CUBN: variants seen among roughly 807,000 people sequenced by gnomAD.
CUBN encodes cubilin.
In CUBN, 282 loss-of-function variants were observed where a neutral mutation model predicts 405.3. The observed-to-expected ratio is 0.70, with a 90% CI of 0.63 to 0.77. The LOEUF is 0.77. Ranked by LOEUF, CUBN falls within the 30% of genes least tolerant of loss-of-function variation. The probability of loss-of-function intolerance (pLI) is 0.00; values close to 1 mark genes in which losing one functional copy is unlikely to be tolerated. For missense variants in CUBN, 4,514 were observed against 4,475.2 expected (o/e 1.01, Z -0.25); for synonymous variants, 1,684 against 1,617.0 (o/e 1.04, Z -0.99).
intron 22 of CUBN, among the ~76,000 whole-genome samples, chr10:17,048,204 G>A (rs1227739792): frequency 6.6e-6 from 1 of 152,244 alleles, no homozygotes; most frequent in African/African-American, 2.4e-5. Flanking sequence ...AAGAGTTAAA[G>A]ATAATGCATT....
chr10:16,919,909 G>T, intron 44 of CUBN, 54 bp downstream of exon 44: 1 of 1,560,360 alleles, frequency 6.4e-7, no homozygotes, highest in South Asian at 1.1e-5. Context: ...GAGACATGAC[G>T]GTTAAAAAAT....
chr10:16,836,396 G>C lies in CUBN; in HGVS notation c.10033-14C>G, dbSNP rs531193716. On this transcript the variant is annotated splice_polypyrimidine_tract_variant and intron_variant, in intron 62 of 66. Transcript: ENST00000377833. ...ATTTCCGTGACCCTGAAATGAAATGGGAGCCAAATCATGTTAGATTTAGTC... is the reference window on the plus strand; with the variant it reads ...ATTTCCGTGACCCTGAAATGAAATGCGAGCCAAATCATGTTAGATTTAGTC... 3.1e-6 allele frequency: 5 copies of C among 1,612,880 alleles called. No individual in the cohort carries two copies. In the South Asian group the frequency reaches 5.5e-5, roughly 18 times the overall value.
At position 17,129,208 on chromosome 10, in the gene CUBN, C is replaced by T. The variant is rs370127775; in HGVS notation, c.165G>A (p.Thr55=). The T allele has an allele frequency of 8.2e-5, 132 of 1,613,494 alleles. No individual in the cohort carries two copies. Among genetic ancestry groups the T allele is most frequent in the Non-Finnish European group, 1.0e-4 (120 of 1,179,604 alleles). ...TAAACTCAATGTTTTGAGCAGACCC[C>T]GTAAGAAACACCAAATTTCCTCTCT... ...ATERGNLVFL[T]GSAQNIEFRT... The change falls in exon 2 of 67, where the codon ACG becomes ACA. Residue 55 remains threonine (T), a synonymous_variant. Coordinates refer to ENST00000377833, the MANE Select transcript of CUBN (RefSeq NM_001081.4).
At chr10:17,052,245 A>G (rs1431015254) in intron 22 of CUBN, among the ~76,000 whole-genome samples, 1 of 152,222 alleles carries the variant, frequency 6.6e-6, no homozygotes, top group African/African-American at 2.4e-5. Flanking sequence ...AGAAGCTGAC[A>G]TAATTTGTCA....
chr10:16,828,197 C>T (rs997214948), intron 66 of CUBN, among the ~76,000 whole-genome samples: 6 of 151,688 alleles, frequency 4.0e-5, no homozygotes, highest in African/African-American at 1.5e-4. Flanking sequence ...TGCTGTGACT[C>T]CTCCCTGGGA....
chr10:17,059,987 T>G (rs961083884), intron 22 of CUBN, among the ~76,000 whole-genome samples: 1 of 152,156 alleles, frequency 6.6e-6, no homozygotes, highest in Admixed American at 6.5e-5. Flanking sequence ...TTTAGAGAGG[T>G]GTAGATGAGA....
At chr10:16,850,700 T>C (rs902938057) in intron 60 of CUBN, among the ~76,000 whole-genome samples, 1 of 152,192 alleles carries the variant, frequency 6.6e-6, no homozygotes, top group Non-Finnish European at 1.5e-5. Context: ...CTCAAACTCC[T>C]GGCCTCAAGT....
rs138752344 is a variant in CUBN at position 16,833,084 on chromosome 10, C to A, written c.10363-1667G>T. On this transcript the variant is annotated intron_variant, in intron 64 of 66. Transcript: ENST00000377833. ...TGGAAAGCAAGGCTTTGCTTCCCAG[C>A]ATCTATCAGGCAAATGGCAAACGTT... 2.9e-4 allele frequency among the ~76,000 whole-genome samples: 44 copies of A among 152,302 alleles called. 1 individual carries two copies. The East Asian group carries it at 6.8e-3, about 23-fold the overall frequency.
chr10:16,925,812 C>T, intron 41 of CUBN, 38 bp from the exon 42 acceptor site: 4 of 1,580,920 alleles, frequency 2.5e-6, no homozygotes, highest in Non-Finnish European at 2.6e-6. Context: ...ATTTAAATAG[C>T]ATTGGCAACT....
chr10:16,990,898 C>G (rs1833565040), intron 28 of CUBN, among the ~76,000 whole-genome samples: 1 of 152,154 alleles, frequency 6.6e-6, no homozygotes, highest in African/African-American at 2.4e-5. Context: ...TGGTCGTGAA[C>G]TTCAGGTCCC....
At chr10:16,939,559 G>A (rs929620746) in intron 37 of CUBN, among the ~76,000 whole-genome samples, 2 of 152,222 alleles carry the variant, frequency 1.3e-5, no homozygotes, top group Non-Finnish European at 2.9e-5. Context: ...TAATGGAAAA[G>A]TTGAGCTAGA....
In CUBN at chr10:16,994,951, C is replaced by T. The variant is rs958542880; in HGVS notation, c.4169-4436G>A. On this transcript the variant is annotated intron_variant, in intron 28 of 66. Transcript: ENST00000377833. ...ACTAAAAATGCAAAAATTAGCTGGG[C>T]GTGGTGGTATGCGCCTGTAATCTCA... Among the ~76,000 whole-genome samples, 13 of 152,022 alleles carry T rather than the reference C, an allele frequency of 8.6e-5. 1 individual carries two copies. The highest frequency in any genetic ancestry group is 8.5e-4 in the Admixed American group (13 of 15,254).
At chr10:17,073,524 G>A (rs909163772) in intron 17 of CUBN, among the ~76,000 whole-genome samples, 1 of 138,996 alleles carries the variant, frequency 7.2e-6, no homozygotes, top group Non-Finnish European at 1.5e-5. Flanking sequence ...TCAGTTCACC[G>A]CAACCTCTGC....
Position 16,845,568 on chromosome 10 carries a change from A to G in CUBN, c.9664-4521T>C, listed in dbSNP as rs77124477. On this transcript the variant is annotated intron_variant, in intron 60 of 66. Coordinates refer to ENST00000377833, the MANE Select transcript of CUBN (RefSeq NM_001081.4). ...TCTGGGAAAAAGCCACAAAGAAGCA[A>G]TGATTAGAATCAGCTCTACAAGAGC... Among the ~76,000 whole-genome samples, 28 of 152,358 alleles carry G rather than the reference A, an allele frequency of 1.8e-4. No individual in the cohort carries two copies. In the East Asian group the frequency reaches 5.4e-3, roughly 29 times the overall value.
rs1278906765 is a variant in CUBN at position 17,129,721 on chromosome 10, T to C, written c.45A>G (p.Leu15=). 5 of 1,613,942 alleles carry C rather than the reference T, an allele frequency of 3.1e-6. No individual in the cohort carries two copies. The highest frequency in any genetic ancestry group is 2.2e-5 in the South Asian group (2 of 91,090). Residue 15 remains leucine (L), a synonymous_variant, in exon 1 of 67, where the codon TTA becomes TTG. Transcript: ENST00000377833. ...SLPFLWSLLT[L]LIFAEVNGEA... ...CGCCATTTACTTCAGCAAATATTAATAAGGTAAGCAAACTCCAAAGAAAAG... is the reference window on the plus strand; with the variant it reads ...CGCCATTTACTTCAGCAAATATTAACAAGGTAAGCAAACTCCAAAGAAAAG...
chr10:16,945,185 G>C (rs1272805995), intron 36 of CUBN, among the ~76,000 whole-genome samples: 1 of 151,300 alleles, frequency 6.6e-6, no homozygotes, highest in African/African-American at 2.4e-5. Context: ...ATGTGGTAGA[G>C]ACAAACAGGA....
At chr10:16,972,894 T>A (rs116231961) in intron 31 of CUBN, among the ~76,000 whole-genome samples, 289 of 152,180 alleles carry the variant, frequency 1.9e-3, no homozygotes, top group African/African-American at 6.6e-3. Context: ...TGAGACCTTA[T>A]CACCTCTGAT....
At chr10:17,120,888 AACATTCCT>A (rs1277451214) in intron 6 of CUBN, among the ~76,000 whole-genome samples, 1 of 152,222 alleles carries the variant, frequency 6.6e-6, no homozygotes, top group Non-Finnish European at 1.5e-5. Flanking sequence ...TAATCTCTGT[AACATTCCT>A]AGATATCAGG....
At chr10:16,880,555 C>T (rs921368793) in intron 56 of CUBN, among the ~76,000 whole-genome samples, 2 of 152,196 alleles carry the variant, frequency 1.3e-5, no homozygotes, top group Non-Finnish European at 2.9e-5. Context: ...GTTCTAGAAG[C>T]CCTTCCTTTG....
Sources: gnomAD v4.1 joint callset for allele counts (sites outside exome capture counted in the v4.1 genomes callset) on GRCh38, gnomAD v4.1.1 for gene constraint, MANE v1.5 for transcripts, NCBI Gene and HGNC (gene_info 2026-07-23, HGNC 2026-07-21) for gene names.